Variants in UBASH3B observed in about 807,000 individuals in gnomAD.
UBASH3B encodes the protein ubiquitin-associated and SH3 domain-containing protein B.
Under a neutral mutation model 83.4 loss-of-function variants are expected in UBASH3B, and 37 were observed. The ratio of observed to expected loss-of-function variants is 0.44; its 90% confidence interval spans 0.34 to 0.58. The LOEUF is 0.58. UBASH3B is among the 20% of genes least tolerant of loss of function. The pLI is 0.01. For synonymous variants in UBASH3B, 304 were observed against 318.3 expected (o/e 0.96, Z 0.48); for missense variants, 657 against 827.2 (o/e 0.79, Z 2.52).
intron 6 of UBASH3B, among the ~76,000 whole-genome samples, chr11:122,793,546 A>G (rs182308190): frequency 6.6e-6 from 1 of 152,334 alleles, no homozygotes; most frequent in Non-Finnish European, 1.5e-5. Context: ...AATCTATAAA[A>G]TTTAAATGTT....
intron 1 of UBASH3B, among the ~76,000 whole-genome samples, chr11:122,767,972 A>G (rs1247221466): frequency 6.6e-6 from 1 of 152,192 alleles, no homozygotes; most frequent in Non-Finnish European, 1.5e-5. Flanking sequence ...TCAGGTGCTG[A>G]ATAAATGACT....
intron 1 of UBASH3B, among the ~76,000 whole-genome samples, chr11:122,712,553 T>C (rs576123551): frequency 6.6e-6 from 1 of 152,198 alleles, no homozygotes; most frequent in Admixed American, 6.5e-5. Flanking sequence ...TCGCTCTTTT[T>C]CCCTCACATT....
intron 1 of UBASH3B, among the ~76,000 whole-genome samples, chr11:122,731,614 C>T (rs147310344): frequency 7.2e-5 from 11 of 152,254 alleles, no homozygotes; most frequent in African/African-American, 2.6e-4. Flanking sequence ...CCAGACTAGA[C>T]AAAGGGATGA....
At chr11:122,690,167 C>CATATATATATATAT (rs57203901) in intron 1 of UBASH3B, among the ~76,000 whole-genome samples, 22 of 43,562 alleles carry the variant, frequency 5.1e-4, no homozygotes, top group East Asian at 1.0e-3. Context: ...GGCAGGAAAA[C>CATATATATATATAT]ATATATATAT....
At chr11:122,712,545 G>A (rs889756554) in intron 1 of UBASH3B, among the ~76,000 whole-genome samples, 3 of 152,174 alleles carry the variant, frequency 2.0e-5, no homozygotes, top group Admixed American at 6.5e-5. Flanking sequence ...GTTGGTGCTC[G>A]CTCTTTTTCC....
intron 1 of UBASH3B, among the ~76,000 whole-genome samples, chr11:122,746,758 T>C (rs1861124470): frequency 6.6e-6 from 1 of 152,174 alleles, no homozygotes; most frequent in Admixed American, 6.5e-5. Flanking sequence ...GTTCAGGGCA[T>C]TTACCGTGTG....
intron 6 of UBASH3B, among the ~76,000 whole-genome samples, chr11:122,790,369 C>G (rs537066396): frequency 3.3e-5 from 5 of 152,166 alleles, no homozygotes; most frequent in Non-Finnish European, 7.3e-5. Flanking sequence ...CCCACCTCAG[C>G]CCAGCCCATG....
rs1448554625 is a variant in UBASH3B, at chr11:122,777,128, T to C, written c.320T>C (p.Phe107Ser). ...CCCTTAGCACAGAAGCTTTCCGACT[T>C]TTGGCAGCAGTCGAAGCAGATCTGC... ...TGPLAQKLSD[F>S]WQQSKQICGK... The change falls in exon 3 of 14, where the codon TTT becomes TCT. Residue 107 changes from phenylalanine to serine, a missense_variant. Phe to Ser is a radical substitution (Grantham distance 155). Coordinates refer to ENST00000284273, the MANE Select transcript of UBASH3B (RefSeq NM_032873.5). 6.2e-7 allele frequency: 1 copy of C among 1,614,104 alleles called. No homozygotes were observed. The highest frequency in any genetic ancestry group is 1.7e-5 in the Admixed American group (1 of 60,010).
chr11:122,658,441 C>G (rs1262411866), intron 1 of UBASH3B, among the ~76,000 whole-genome samples: 1 of 152,160 alleles, frequency 6.6e-6, no homozygotes, highest in Non-Finnish European at 1.5e-5. Context: ...GCATAAGGGT[C>G]ATTTTTGGCT....
intron 1 of UBASH3B, among the ~76,000 whole-genome samples, chr11:122,677,737 G>A (rs1863686460): frequency 6.6e-6 from 1 of 151,926 alleles, no homozygotes; most frequent in South Asian, 2.1e-4. Context: ...GGCAAGAGGA[G>A]CAAAACTCCC....
chr11:122,771,039 C>T (rs975457204), intron 1 of UBASH3B, among the ~76,000 whole-genome samples: 10 of 152,192 alleles, frequency 6.6e-5, no homozygotes, highest in South Asian at 2.1e-4. Flanking sequence ...CTCCCACTTA[C>T]GTTTTCAGGT....
chr11:122,796,782 A>T, intron 8 of UBASH3B, 129 bp from the exon 9 acceptor site: 1 of 1,205,650 alleles, frequency 8.3e-7, no homozygotes, highest in Non-Finnish European at 1.2e-6. Context: ...ATTTTCTATC[A>T]GCTCCAGAGA....
intron 1 of UBASH3B, among the ~76,000 whole-genome samples, chr11:122,744,104 G>C (rs897295644): frequency 6.6e-6 from 1 of 152,120 alleles, no homozygotes; most frequent in African/African-American, 2.4e-5. Flanking sequence ...CATGCACCTG[G>C]GCCCCTTTAC....
intron 1 of UBASH3B, among the ~76,000 whole-genome samples, chr11:122,764,437 A>G (rs1860498249): frequency 6.6e-6 from 1 of 152,256 alleles, no homozygotes; most frequent in African/African-American, 2.4e-5. Flanking sequence ...GGAAAAAGAC[A>G]CATACCCATG....
At chr11:122,807,632 C>T (rs1861363678) in intron 12 of UBASH3B, among the ~76,000 whole-genome samples, 1 of 152,058 alleles carries the variant, frequency 6.6e-6, no homozygotes, top group Non-Finnish European at 1.5e-5. Context: ...CTCACTATAG[C>T]CTCAATCTCC....
At chr11:122,670,199 G>GTGTA (rs1555132134) in intron 1 of UBASH3B, among the ~76,000 whole-genome samples, 2 of 148,078 alleles carry the variant, frequency 1.4e-5, no homozygotes, top group Admixed American at 1.3e-4. Flanking sequence ...GTGTGTGTGT[G>GTGTA]TATATACACT....
At chr11:122,708,570 A>G (rs1357471845) in intron 1 of UBASH3B, among the ~76,000 whole-genome samples, 1 of 152,210 alleles carries the variant, frequency 6.6e-6, no homozygotes, top group Non-Finnish European at 1.5e-5. Context: ...CTGGGATTAC[A>G]GGTGTGAGTC....
At chr11:122,788,367 G>A (rs954620025) in intron 5 of UBASH3B, among the ~76,000 whole-genome samples, 2 of 152,114 alleles carry the variant, frequency 1.3e-5, no homozygotes, top group East Asian at 1.9e-4. Context: ...TCAGGAGTTC[G>A]AGACCAGCCT....
At chr11:122,668,524 A>G (rs1462110612) in intron 1 of UBASH3B, among the ~76,000 whole-genome samples, 1 of 152,118 alleles carries the variant, frequency 6.6e-6, no homozygotes, top group Non-Finnish European at 1.5e-5. Context: ...CACTTGTACC[A>G]GTGATAGGAT....
Sources: gnomAD v4.1 joint callset for allele counts (sites outside exome capture counted in the v4.1 genomes callset) on GRCh38, gnomAD v4.1.1 for gene constraint, MANE v1.5 for transcripts, NCBI Gene and HGNC (gene_info 2026-07-23, HGNC 2026-07-21) for gene names.